Variants in XKR9 observed in about 807,000 individuals in gnomAD.
XKR9 encodes XK-related protein 9.
In XKR9, 32 loss-of-function variants were observed where a neutral mutation model predicts 32.0. That is an observed-to-expected ratio of 1.00 (90% CI 0.76 to 1.34). XKR9 has a LOEUF of 1.34. Among genes scored for constraint, XKR9 ranks in the 40% most tolerant of loss-of-function variants. The pLI, the probability that XKR9 is intolerant of heterozygous loss-of-function variation, is 0.00. For missense variants in XKR9, 546 were observed against 429.7 expected, an observed-to-expected ratio of 1.27 and a Z score of -2.39; for synonymous variants, 168 against 143.4, an observed-to-expected ratio of 1.17 and a Z score of -1.22.
chr8:71,034,192 A>C, the XKR9 span, among the ~76,000 whole-genome samples: 1 of 152,160 alleles, frequency 6.6e-6, no homozygotes, highest in Non-Finnish European at 1.5e-5. Flanking sequence ...TCTGTTGAAA[A>C]AGGGACCTCA....
At chr8:70,706,850 C>A in intron 3 of XKR9, 83 bp from the exon 4 acceptor site, 1 of 1,178,742 alleles carries the variant, frequency 8.5e-7, no homozygotes, top group Non-Finnish European at 1.2e-6. Context: ...ACACATATTC[C>A]TTTTTCCAAA....
At chr8:71,035,868 C>T in the XKR9 span, among the ~76,000 whole-genome samples, 2 of 152,142 alleles carry the variant, frequency 1.3e-5, no homozygotes, top group Non-Finnish European at 2.9e-5. Flanking sequence ...ATAATACCCT[C>T]ATTCTAGAGG....
chr8:70,785,739 CTATATA>C (rs58917686), intron 2 of XKR9, among the ~76,000 whole-genome samples: 36 of 131,224 alleles, frequency 2.7e-4, no homozygotes, highest in Admixed American at 7.8e-4. Context: ...CTCTCTCTCT[CTATATA>C]TATATATATA....
chr8:70,712,545 G>T (rs932505175), intron 4 of XKR9, among the ~76,000 whole-genome samples: 1 of 152,030 alleles, frequency 6.6e-6, no homozygotes, highest in Non-Finnish European at 1.5e-5. Flanking sequence ...ACTCCAAAAG[G>T]TACCCTTCTC....
At chr8:71,056,129 C>G in the XKR9 span, among the ~76,000 whole-genome samples, 1 of 152,058 alleles carries the variant, frequency 6.6e-6, no homozygotes, top group Non-Finnish European at 1.5e-5. Flanking sequence ...GAAGTAGAGC[C>G]CCTTAGCCAA....
At chr8:70,996,199 G>GT in the XKR9 span, among the ~76,000 whole-genome samples, 4 of 152,142 alleles carry the variant, frequency 2.6e-5, no homozygotes, top group Non-Finnish European at 5.9e-5. Context: ...ACCTAGAAAT[G>GT]TATTAGTCAG....
the XKR9 span, among the ~76,000 whole-genome samples, chr8:70,800,998 T>C: frequency 6.6e-6 from 1 of 151,496 alleles, no homozygotes; most frequent in African/African-American, 2.4e-5. Flanking sequence ...TTTTTTTTTT[T>C]GTATTTCTCT....
chr8:70,882,438 A>T, the XKR9 span, among the ~76,000 whole-genome samples: 1 of 151,710 alleles, frequency 6.6e-6, no homozygotes, highest in Non-Finnish European at 1.5e-5. Context: ...TTATATACAT[A>T]TATATTTATG....
the XKR9 span, among the ~76,000 whole-genome samples, chr8:70,814,294 G>T: frequency 6.6e-6 from 1 of 152,046 alleles, no homozygotes; most frequent in Non-Finnish European, 1.5e-5. Flanking sequence ...GACTGTTGTG[G>T]GGTGGGGGAA....
chr8:70,671,018 CTTAA>C (rs1818697586), intron 1 of XKR9, among the ~76,000 whole-genome samples: 1 of 152,186 alleles, frequency 6.6e-6, no homozygotes, highest in African/African-American at 2.4e-5. Flanking sequence ...TATTCTTTGG[CTTAA>C]TTAATTTCCT....
At chr8:70,751,829 C>T (rs1048172625) in intron 2 of XKR9, among the ~76,000 whole-genome samples, 1 of 152,152 alleles carries the variant, frequency 6.6e-6, no homozygotes, top group Admixed American at 6.5e-5. Context: ...GTTCTCACAC[C>T]TTTGAACTTG....
the XKR9 span, among the ~76,000 whole-genome samples, chr8:70,929,020 A>G: frequency 3.3e-5 from 5 of 152,192 alleles, no homozygotes; most frequent in African/African-American, 1.2e-4. Flanking sequence ...CAATGTGAGC[A>G]TCTTGAAGGC....
chr8:70,853,449 G>T, the XKR9 span, among the ~76,000 whole-genome samples: 1 of 151,104 alleles, frequency 6.6e-6, no homozygotes, highest in Non-Finnish European at 1.5e-5. Flanking sequence ...ACTCATAAAA[G>T]CTAAAACTAA....
chr8:70,810,321 A>G, the XKR9 span, among the ~76,000 whole-genome samples: 2 of 152,262 alleles, frequency 1.3e-5, no homozygotes, highest in African/African-American at 2.4e-5. Flanking sequence ...AACCGGTAAC[A>G]GCCACTGCAA....
the XKR9 span, among the ~76,000 whole-genome samples, chr8:70,832,533 A>G: frequency 1.7e-4 from 26 of 152,208 alleles, no homozygotes; most frequent in African/African-American, 6.0e-4. Flanking sequence ...GAATAAGCTG[A>G]AAAGTGGTTT....
chr8:70,961,541 T>C, the XKR9 span, among the ~76,000 whole-genome samples: 1 of 152,222 alleles, frequency 6.6e-6, no homozygotes, highest in Non-Finnish European at 1.5e-5. Context: ...TTGCCTGAAA[T>C]ATATTTTCTT....
the XKR9 span, among the ~76,000 whole-genome samples, chr8:71,058,858 AATAGAATAAAC>A: frequency 0.02 from 3,100 of 152,336 alleles, 91 homozygotes; most frequent in African/African-American, 0.071. Flanking sequence ...AGAAAAGTGA[AATAGAATAAAC>A]ATAGGCTAAT....
At chr8:70,973,892 T>A in the XKR9 span, among the ~76,000 whole-genome samples, 1 of 152,210 alleles carries the variant, frequency 6.6e-6, no homozygotes, top group Non-Finnish European at 1.5e-5. Flanking sequence ...ATATGGTCTA[T>A]CTTGGAGAAT....
At chr8:71,041,029 C>T in the XKR9 span, among the ~76,000 whole-genome samples, 1 of 152,080 alleles carries the variant, frequency 6.6e-6, no homozygotes, top group Non-Finnish European at 1.5e-5. Context: ...AAATTTGACT[C>T]CTCATCAGTA....
Sources: gnomAD v4.1 joint callset for allele counts (sites outside exome capture counted in the v4.1 genomes callset) on GRCh38, gnomAD v4.1.1 for gene constraint, MANE v1.5 for transcripts, NCBI Gene and HGNC (gene_info 2026-07-23, HGNC 2026-07-21) for gene names.